The following MAP6 variants were observed in gnomAD, a reference collection of about 807,000 sequenced individuals.
MAP6 encodes microtubule associated protein 6, also known as microtubule-associated protein 6.
Under a neutral mutation model 42.4 loss-of-function variants are expected in MAP6, and 26 were observed. That is an observed-to-expected ratio of 0.61 (90% confidence interval 0.45 to 0.85). The LOEUF is 0.85. MAP6 is among the 40% of genes least tolerant of loss of function. MAP6 has a pLI of 0.00. For missense variants in MAP6, 966 were observed against 1,099.0 expected (o/e 0.88, Z 1.71); for synonymous variants, 418 against 443.8 (o/e 0.94, Z 0.73).
intron 1 of MAP6, among the ~76,000 whole-genome samples, chr11:75,618,800 G>A (rs187792313): frequency 0.013 from 1,919 of 152,274 alleles, 19 homozygotes; most frequent in Non-Finnish European, 0.019. Flanking sequence ...CCCTGGTAGA[G>A]CCGACAGGTG....
In MAP6 at chr11:75,587,117, AGAGGT is replaced by A; in HGVS notation, c.2379_2383del (p.Pro794ThrfsTer15). The A allele has an allele frequency of 6.2e-7, 1 of 1,612,674 alleles. No individual in the cohort carries two copies. Among genetic ancestry groups the A allele is most frequent in the Non-Finnish European group, 8.5e-7 (1 of 1,178,850 alleles). ...GGCAGTTGGGATCATGACTCGGGGT[AGAGGT>A]GAGACAGTAGGTAGCTGAGGGTCCC... On this transcript the variant is annotated frameshift_variant, in exon 4 of 4. Coordinates refer to ENST00000304771, the MANE Select transcript of MAP6 (RefSeq NM_033063.2). LOFTEE classifies it high-confidence loss of function.
At chr11:75,609,267 G>A (rs1942842797) in intron 1 of MAP6, among the ~76,000 whole-genome samples, 1 of 152,200 alleles carries the variant, frequency 6.6e-6, no homozygotes, top group Admixed American at 6.5e-5. Flanking sequence ...TTAAGTGCAC[G>A]AGAGTCAATG....
chr11:75,644,348 G>A (rs778269994), intron 1 of MAP6, among the ~76,000 whole-genome samples: 2 of 152,038 alleles, frequency 1.3e-5, no homozygotes, highest in African/African-American at 2.4e-5. Context: ...GAGTTGTGAC[G>A]ACTAGATATA....
intron 1 of MAP6, among the ~76,000 whole-genome samples, chr11:75,637,718 G>A (rs1943391033): frequency 6.6e-6 from 1 of 151,776 alleles, no homozygotes; most frequent in Non-Finnish European, 1.5e-5. Flanking sequence ...AACTCCTTCT[G>A]GTCAAGAAAC....
Position 75,587,987 on chromosome 11 carries a change from T to C in MAP6, c.1514A>G (p.Lys505Arg), listed in dbSNP as rs1318112262. 6.2e-7 allele frequency: 1 copy of C among 1,614,204 alleles called. No individual in the cohort carries two copies. The highest frequency in any genetic ancestry group is 1.3e-5 in the African/African-American group (1 of 75,050). The change falls in exon 4 of 4, where the codon AAG becomes AGG. Residue 505 changes from lysine to arginine, a missense_variant. By Grantham distance (26) the Lys-to-Arg change is conservative (BLOSUM62 2). Coordinates refer to ENST00000304771, the MANE Select transcript of MAP6 (RefSeq NM_033063.2). ...DLGPMIPLPV[K>R]DQDHTVPEPL... ...CTCAGGGACCGTGTGATCTTGATCC[T>C]TGACTGGTAATGGGATCATGGGACC...
chr11:75,588,779 T>C (rs1942420054), intron 3 of MAP6, among the ~76,000 whole-genome samples: 1 of 152,210 alleles, frequency 6.6e-6, no homozygotes. Context: ...GGGAAAAGTA[T>C]TTTATCACTG....
At chr11:75,663,778 C>T (rs1943897157) in intron 1 of MAP6, among the ~76,000 whole-genome samples, 1 of 152,210 alleles carries the variant, frequency 6.6e-6, no homozygotes, top group African/African-American at 2.4e-5. Flanking sequence ...GGGAATGGGG[C>T]AGTTCTGCAC....
chr11:75,638,211 C>A (rs925658114), intron 1 of MAP6, among the ~76,000 whole-genome samples: 5 of 152,166 alleles, frequency 3.3e-5, no homozygotes, highest in Non-Finnish European at 5.9e-5. Context: ...GTGGCTGTTA[C>A]CACTCCCAGG....
rs200554061 is a variant in MAP6, at chr11:75,668,349, C to A, written c.21G>T (p.Thr7=). The A allele has an allele frequency of 1.3e-5, 20 of 1,575,240 alleles. No homozygotes were observed. The highest frequency in any genetic ancestry group is 1.6e-5 in the Non-Finnish European group (19 of 1,168,182). ...AGAAGCGGGCGATGCAGCAGGCCCT[C>A]GTGATGCACGGCCACGCCATGATGC... MAWPCI[T]RACCIARFWN... The change falls in exon 1 of 4, where the codon ACG becomes ACT. Residue 7 remains threonine (T), a synonymous_variant. Coordinates refer to ENST00000304771, the MANE Select transcript of MAP6 (RefSeq NM_033063.2).
chr11:75,618,610 A>G (rs1943045196), intron 1 of MAP6, among the ~76,000 whole-genome samples: 2 of 152,122 alleles, frequency 1.3e-5, no homozygotes, highest in Non-Finnish European at 2.9e-5. Context: ...AAAAAAAAAA[A>G]AATTGACTCT....
chr11:75,646,673 G>A (rs892417817), intron 1 of MAP6, among the ~76,000 whole-genome samples: 2 of 151,948 alleles, frequency 1.3e-5, no homozygotes, highest in African/African-American at 4.8e-5. Context: ...GGTGGCACAC[G>A]CCTGTAATCC....
chr11:75,623,771 G>T (rs118108257), intron 1 of MAP6, among the ~76,000 whole-genome samples: 2 of 152,114 alleles, frequency 1.3e-5, no homozygotes, highest in Non-Finnish European at 2.9e-5. Context: ...GTGCAGTGGC[G>T]CTATCTCGGC....
rs796150769 is a variant in MAP6, at chr11:75,605,548, CA to C, written c.1316+259del. On this transcript the variant is annotated intron_variant, in intron 3 of 3. Transcript: ENST00000304771. ...GCTCATCAGCATGCAGTCAGAGTGCCAGGGGAGGGCACAGCCAGCGGCAACG... is the reference window on the plus strand; with the variant it reads ...GCTCATCAGCATGCAGTCAGAGTGCCGGGGAGGGCACAGCCAGCGGCAACG... 176 of 1,268,776 alleles carry C rather than the reference CA, an allele frequency of 1.4e-4. No individual in the cohort carries two copies. In the African/African-American group the frequency reaches 2.5e-3, roughly 18 times the overall value. 78.6% of individuals were successfully genotyped at this position (1,268,776 alleles called of 1,614,324 possible).
intron 1 of MAP6, among the ~76,000 whole-genome samples, chr11:75,618,067 C>T (rs1397181487): frequency 1.3e-5 from 2 of 148,938 alleles, no homozygotes; most frequent in African/African-American, 2.5e-5. Flanking sequence ...GGACACAGTA[C>T]GGTACATCTA....
intron 1 of MAP6, among the ~76,000 whole-genome samples, chr11:75,659,207 C>T (rs143772344): frequency 3.3e-5 from 5 of 152,294 alleles, no homozygotes; most frequent in African/African-American, 1.2e-4. Context: ...AGGGGCTGAG[C>T]GCGGTGGCTC....
chr11:75,606,254 G>A (rs535883973), intron 2 of MAP6, among the ~76,000 whole-genome samples: 72 of 152,218 alleles, frequency 4.7e-4, no homozygotes, highest in African/African-American at 1.7e-3. Flanking sequence ...GCCTTCCACC[G>A]ACCACCCCAG....
intron 1 of MAP6, among the ~76,000 whole-genome samples, chr11:75,663,011 G>C (rs1445131776): frequency 6.6e-6 from 1 of 151,200 alleles, no homozygotes; most frequent in East Asian, 1.9e-4. Flanking sequence ...ACCCAGGCTG[G>C]AGGACAGTGG....
Position 75,587,169 on chromosome 11 carries a change from G to A in MAP6, c.2332C>T (p.Pro778Ser), listed in dbSNP as rs1450120672. The A allele has an allele frequency of 2.5e-6, 4 of 1,614,100 alleles. No homozygotes were observed. The highest frequency in any genetic ancestry group is 2.5e-6 in the Non-Finnish European group (3 of 1,180,022). ...TCCCTGGGACCTTGAGTCTTCAGAG[G>A]TTCAGGGACTGCAGGACCTTGGTCC... ...AKDQGPAVPE[P>S]LKTQGPRDPQ... The change falls in exon 4 of 4, where the codon CCT (proline) becomes TCT (serine). Residue 778 changes from proline (P) to serine (S), a missense_variant. Pro to Ser is a moderately conservative substitution (Grantham distance 74). This residue lies in a region of MAP6 where 943 missense variants were observed against 1,049.9 expected (regional missense o/e 0.90). Transcript: ENST00000304771.
Position 75,587,620 on chromosome 11 carries a change from A to C in MAP6, c.1881T>G (p.Asp627Glu). 4 of 1,614,052 alleles carry C rather than the reference A, an allele frequency of 2.5e-6. No homozygotes were observed. The highest frequency in any genetic ancestry group is 3.4e-6 in the Non-Finnish European group (4 of 1,179,990). The part of the protein sequence containing the change: ...EGPIVPAPVK[D>E]EGPMVSAPIK... ...TAGGTGCTGAGACCATGGGACCTTC[A>C]TCCTTGACAGGTGCTGGGACTATGG... Residue 627 changes from aspartate to glutamate, a missense_variant, in exon 4 of 4, where the codon GAT (aspartate) becomes GAG (glutamate). Asp to Glu is a conservative substitution (Grantham distance 45, BLOSUM62 2). Transcript: ENST00000304771.
Sources: allele counts gnomAD v4.1 joint callset (sites outside exome capture counted in the v4.1 genomes callset), GRCh38; gene constraint gnomAD v4.1.1; regional missense constraint gnomAD v4.1.1; transcripts MANE v1.5; gene names NCBI Gene and HGNC (gene_info 2026-07-23, HGNC 2026-07-21).